GRM1: variants seen among roughly 807,000 people sequenced by gnomAD.
The protein encoded by GRM1 is glutamate metabotropic receptor 1, also known as metabotropic glutamate receptor 1.
Under a neutral mutation model 90.9 loss-of-function variants are expected in GRM1, and 33 were observed. The observed-to-expected ratio is 0.36, with a 90% CI of 0.28 to 0.49. The LOEUF (loss-of-function observed/expected upper bound fraction) is 0.49, where lower values mean the gene tolerates loss of function less well. Among genes scored for constraint, GRM1 ranks in the 20% least tolerant of loss-of-function variants. The probability of loss-of-function intolerance (pLI) is 0.99; values close to 1 mark genes in which losing one functional copy is unlikely to be tolerated. For missense variants in GRM1, 1,190 were observed against 1,534.3 expected, an observed-to-expected ratio of 0.78 and a Z score of 3.75; for synonymous variants, 700 against 613.2, an observed-to-expected ratio of 1.14 and a Z score of -2.09.
chr6:146,191,670 A>T (rs900868091), intron 2 of GRM1, among the ~76,000 whole-genome samples: 1 of 152,102 alleles, frequency 6.6e-6, no homozygotes, highest in Non-Finnish European at 1.5e-5. Flanking sequence ...TCTTTAATTA[A>T]TCTTTTTGTT....
intron 2 of GRM1, among the ~76,000 whole-genome samples, chr6:146,286,737 C>A (rs971245674): frequency 3.3e-5 from 5 of 152,198 alleles, no homozygotes; most frequent in African/African-American, 1.2e-4. Flanking sequence ...CTTTTAAAAA[C>A]CTGGTTCAAC....
intron 2 of GRM1, among the ~76,000 whole-genome samples, chr6:146,236,959 A>G (rs945251093): frequency 6.6e-6 from 1 of 152,118 alleles, no homozygotes; most frequent in Non-Finnish European, 1.5e-5. Context: ...GGGCTGTATG[A>G]TGTCACAAGA....
intron 2 of GRM1, chr6:146,159,915 A>AT (rs1777659429): frequency 6.1e-6 from 1 of 163,242 alleles, no homozygotes; most frequent in African/African-American, 3.2e-5. Flanking sequence ...GACCTTAACT[A>AT]TAAAAAAAAA....
intron 3 of GRM1, among the ~76,000 whole-genome samples, chr6:146,311,840 G>A (rs1176010399): frequency 6.6e-6 from 1 of 152,110 alleles, no homozygotes; most frequent in Admixed American, 6.5e-5. Flanking sequence ...TTAATGTGCT[G>A]TTTTGATTGA....
chr6:146,081,916 AG>A (rs1776376172), intron 1 of GRM1, among the ~76,000 whole-genome samples: 1 of 152,226 alleles, frequency 6.6e-6, no homozygotes, highest in Non-Finnish European at 1.5e-5. Context: ...GGGACAAGAA[AG>A]GTTTTGTGGA....
chr6:146,324,519 C>T (rs1047733822), intron 3 of GRM1, among the ~76,000 whole-genome samples: 2 of 152,112 alleles, frequency 1.3e-5, no homozygotes, highest in Non-Finnish European at 2.9e-5. Flanking sequence ...AACAGCCACC[C>T]AGTTTTGTGC....
intron 1 of GRM1, among the ~76,000 whole-genome samples, chr6:146,064,260 A>G (rs935080127): frequency 1.3e-5 from 2 of 152,336 alleles, no homozygotes; most frequent in Non-Finnish European, 2.9e-5. Flanking sequence ...TATCAAAAGT[A>G]TAATTAATGT....
chr6:146,164,930 C>CT (rs201746606), intron 2 of GRM1, among the ~76,000 whole-genome samples: 2,059 of 146,974 alleles, frequency 0.014, 76 homozygotes, highest in East Asian at 0.093. Flanking sequence ...CTGACTACAT[C>CT]TTTTTTTTTT....
intron 1 of GRM1, among the ~76,000 whole-genome samples, chr6:146,058,720 A>G (rs944497146): frequency 6.6e-6 from 1 of 152,148 alleles, no homozygotes; most frequent in Non-Finnish European, 1.5e-5. Flanking sequence ...ATTGGAGTCA[A>G]TCCTCTCAAC....
chr6:146,201,943 A>G (rs1012141316), intron 2 of GRM1, among the ~76,000 whole-genome samples: 3 of 152,210 alleles, frequency 2.0e-5, no homozygotes, highest in African/African-American at 7.2e-5. Flanking sequence ...TGTGTTGTCT[A>G]TGGCTCTGCA....
At position 146,171,848 on chromosome 6, in the gene GRM1, G is replaced by A. The variant is rs182095177; in HGVS notation, c.950+12251G>A. ...TCTTCTGCTTGGCATGGCATCATAA[G>A]GAGGATGACCTCATTTCTATTGTTC... is the stretch of plus-strand genomic sequence containing the variant. On this transcript the variant is annotated intron_variant, in intron 2 of 7. Transcript: ENST00000282753. 4 of 256,824 alleles carry A rather than the reference G, an allele frequency of 1.6e-5. No homozygotes were observed. In the East Asian group the frequency reaches 4.2e-4, roughly 27 times the overall value. The allele number at this position is 256,824 out of a possible 1,614,324, so 15.9% of individuals were successfully genotyped here. A position where few individuals can be genotyped will look rare whatever the true frequency, so the allele number is the denominator to read the frequency against.
chr6:146,085,188 A>G (rs926225018), intron 1 of GRM1, among the ~76,000 whole-genome samples: 1 of 152,138 alleles, frequency 6.6e-6, no homozygotes, highest in Non-Finnish European at 1.5e-5. Flanking sequence ...ATATAACTAC[A>G]TAACAATAAA....
In GRM1 at chr6:146,150,695, T is replaced by G. The variant is rs572445698; in HGVS notation, c.701-8653T>G. 1.7e-4 allele frequency among the ~76,000 whole-genome samples: 26 copies of G among 152,200 alleles called. No homozygotes were observed. In the South Asian group the frequency reaches 5.4e-3, roughly 32 times the overall value. On this transcript the variant is annotated intron_variant, in intron 1 of 7. Coordinates refer to ENST00000282753, the MANE Select transcript of GRM1 (RefSeq NM_001278064.2). ...ATTTTTGTATTCATTAACCAACCCC[T>G]CTTTATCTTCTCTCCCCACTACCAC...
intron 2 of GRM1, among the ~76,000 whole-genome samples, chr6:146,285,337 C>T (rs972681528): frequency 3.3e-5 from 5 of 152,160 alleles, no homozygotes; most frequent in African/African-American, 9.7e-5. Flanking sequence ...ACATCTACTC[C>T]ATCACCAAGT....
intron 2 of GRM1, among the ~76,000 whole-genome samples, chr6:146,175,423 A>T (rs1778304300): frequency 1.3e-5 from 2 of 152,164 alleles, no homozygotes; most frequent in Non-Finnish European, 2.9e-5. Context: ...TACTTTCCTT[A>T]AATGTCATCT....
At chr6:146,270,352 G>A (rs1210691230) in intron 2 of GRM1, among the ~76,000 whole-genome samples, 4 of 152,148 alleles carry the variant, frequency 2.6e-5, no homozygotes, top group African/African-American at 4.8e-5. Flanking sequence ...CCAGTTCAAT[G>A]TCTGTAAATC....
In GRM1 at chr6:146,419,696, G is replaced by A. The variant is rs1208598970; in HGVS notation, c.2661-14176G>A. Among the ~76,000 whole-genome samples the A allele has an allele frequency of 3.3e-5, 5 of 152,142 alleles. No individual in the cohort carries two copies. The East Asian group carries it at 5.8e-4, about 18-fold the overall frequency. ...CAGAAGGCGAAGGGAAAGCAAACAC[G>A]TCTTACCATGGCAGAGCAGGAAAGC... On this transcript the variant is annotated intron_variant, in intron 7 of 7. Transcript: ENST00000282753.
chr6:146,114,919 T>A (rs2128875089), intron 1 of GRM1, among the ~76,000 whole-genome samples: 1 of 152,250 alleles, frequency 6.6e-6, no homozygotes, highest in East Asian at 1.9e-4. Context: ...TGTTCAGTGA[T>A]CATTCCAATA....
At chr6:146,335,887 T>A (rs1229861053) in intron 3 of GRM1, among the ~76,000 whole-genome samples, 1 of 152,076 alleles carries the variant, frequency 6.6e-6, no homozygotes, top group Non-Finnish European at 1.5e-5. Context: ...GGGGGCAGAT[T>A]TTTCCCATAT....
Sources: gnomAD v4.1 joint callset for allele counts (sites outside exome capture counted in the v4.1 genomes callset) on GRCh38, gnomAD v4.1.1 for gene constraint, MANE v1.5 for transcripts, NCBI Gene and HGNC (gene_info 2026-07-23, HGNC 2026-07-21) for gene names.